Variants in UGT1A10 observed in about 807,000 individuals in gnomAD.
UGT1A10 encodes the protein UDP-glucuronosyltransferase 1A10.
A neutral mutation model predicts 45.8 loss-of-function variants in UGT1A10; 49 were observed. That is an observed-to-expected ratio of 1.07 (90% confidence interval 0.85 to 1.36). UGT1A10 has a LOEUF of 1.36. Ranked by LOEUF, UGT1A10 falls within the 40% of genes most tolerant of loss-of-function variation. UGT1A10 has a pLI of 0.00. For synonymous variants in UGT1A10, 284 were observed against 249.7 expected, an observed-to-expected ratio of 1.14 and a Z score of -1.29; for missense variants, 745 against 668.6, an observed-to-expected ratio of 1.11 and a Z score of -1.26.
chr2:233,650,669 A>C (rs763293080), intron 1 of UGT1A10, among the ~76,000 whole-genome samples: 8 of 152,174 alleles, frequency 5.3e-5, no homozygotes, highest in Non-Finnish European at 1.2e-4. Flanking sequence ...CTCATATCTC[A>C]GCATAAATTT....
intron 1 of UGT1A10, among the ~76,000 whole-genome samples, chr2:233,738,740 C>T (rs1235036519): frequency 1.3e-5 from 2 of 152,136 alleles, no homozygotes; most frequent in Non-Finnish European, 2.9e-5. Context: ...GCAGCCTGAC[C>T]ATGTGGTAGA....
intron 1 of UGT1A10, among the ~76,000 whole-genome samples, chr2:233,688,514 G>A (rs779302149): frequency 7.2e-5 from 11 of 152,032 alleles, no homozygotes; most frequent in Non-Finnish European, 1.0e-4. Flanking sequence ...GCAGTGAAAT[G>A]CGCCTAGAGT....
intron 1 of UGT1A10, chr2:233,719,588 G>C (rs771890679): frequency 1.9e-6 from 3 of 1,614,000 alleles, no homozygotes; most frequent in Non-Finnish European, 2.5e-6. Flanking sequence ...CCGTGTGGCT[G>C]TTCCGAGGGG....
intron 1 of UGT1A10, chr2:233,761,111 T>G: frequency 1.9e-6 from 3 of 1,614,220 alleles, no homozygotes; most frequent in Non-Finnish European, 2.5e-6. Context: ...ATGGTTTTTG[T>G]TGGTGGAATC....
chr2:233,675,826 T>C (rs1449220181), intron 1 of UGT1A10, among the ~76,000 whole-genome samples: 2 of 152,194 alleles, frequency 1.3e-5, no homozygotes, highest in Admixed American at 1.3e-4. Context: ...TGTCATTCCA[T>C]CACTGAACAA....
chr2:233,670,685 G>C (rs763574037), intron 1 of UGT1A10, among the ~76,000 whole-genome samples: 2 of 152,152 alleles, frequency 1.3e-5, no homozygotes, highest in African/African-American at 4.8e-5. Flanking sequence ...TATCTTGAAA[G>C]ACCATATCCC....
At chr2:233,724,373 G>A (rs2077243992) in intron 1 of UGT1A10, among the ~76,000 whole-genome samples, 1 of 147,660 alleles carries the variant, frequency 6.8e-6, no homozygotes, top group African/African-American at 2.5e-5. Flanking sequence ...CGGGGTGGCT[G>A]CCGGGCGGAG....
At chr2:233,750,552 C>T (rs1256274617) in intron 1 of UGT1A10, 4 of 151,954 alleles carry the variant, frequency 2.6e-5, no homozygotes, top group Non-Finnish European at 5.9e-5. Context: ...ACATCAGAGA[C>T]CTTTGCAGCA....
chr2:233,759,153 G>C (rs1244080154), intron 1 of UGT1A10, among the ~76,000 whole-genome samples: 1 of 152,246 alleles, frequency 6.6e-6, no homozygotes, highest in African/African-American at 2.4e-5. Flanking sequence ...GAGTTCCACA[G>C]AACACAAGGC....
intron 4 of UGT1A10, among the ~76,000 whole-genome samples, chr2:233,771,794 C>G (rs913626995): frequency 6.8e-6 from 1 of 146,546 alleles, no homozygotes; most frequent in Non-Finnish European, 1.5e-5. Flanking sequence ...CTCCCTCCCT[C>G]CCTCCCTCCC....
chr2:233,721,740 G>C lies in UGT1A10; in HGVS notation c.856-45294G>C, dbSNP rs151279989. 5 of 432,164 alleles carry C rather than the reference G, an allele frequency of 1.2e-5. No individual in the cohort carries two copies. The East Asian group carries it at 1.9e-4, about 16-fold the overall frequency. The allele number at this position is 432,164 out of a possible 1,614,324, so 26.8% of individuals were successfully genotyped here. ...TGTTTACTTGGATAAGCTTAATGAT[G>C]AGAGAATCTACATCTAAATTGTTAT... On this transcript the variant is annotated intron_variant, in intron 1 of 4. Coordinates refer to ENST00000344644, the MANE Select transcript of UGT1A10 (RefSeq NM_019075.4).
chr2:233,704,803 T>C (rs890648963), intron 1 of UGT1A10, among the ~76,000 whole-genome samples: 1 of 152,152 alleles, frequency 6.6e-6, no homozygotes, highest in African/African-American at 2.4e-5. Context: ...TAATTATATA[T>C]ATGTATATTG....
intron 1 of UGT1A10, among the ~76,000 whole-genome samples, chr2:233,639,796 CT>C (rs2073401931): frequency 6.6e-6 from 1 of 152,188 alleles, no homozygotes; most frequent in African/African-American, 2.4e-5. Context: ...AGGGGACAAA[CT>C]TTTAAACTAT....
At chr2:233,714,126 C>T (rs866787079) in intron 1 of UGT1A10, among the ~76,000 whole-genome samples, 2 of 152,016 alleles carry the variant, frequency 1.3e-5, no homozygotes, top group Admixed American at 6.5e-5. Context: ...GGAGACTGTT[C>T]GTTTGTAAAA....
intron 1 of UGT1A10, among the ~76,000 whole-genome samples, chr2:233,697,593 A>T (rs1575461386): frequency 2.2e-5 from 3 of 138,614 alleles, no homozygotes; most frequent in African/African-American, 2.7e-5. Flanking sequence ...GATCTTTATT[A>T]TTTCTTTCCT....
At chr2:233,661,953 AG>A (rs768559220) in intron 1 of UGT1A10, among the ~76,000 whole-genome samples, 2 of 152,044 alleles carry the variant, frequency 1.3e-5, no homozygotes, top group Admixed American at 1.3e-4. Flanking sequence ...AATTTACTGG[AG>A]GGATGAACTG....
intron 1 of UGT1A10, chr2:233,693,616 T>C (rs1361401309): frequency 1.9e-6 from 3 of 1,614,068 alleles, no homozygotes; most frequent in Middle Eastern, 1.6e-4. Context: ...ACCACATGAC[T>C]TTTTCCCAAC....
intron 1 of UGT1A10, among the ~76,000 whole-genome samples, chr2:233,678,833 C>T (rs1451854095): frequency 6.6e-6 from 1 of 152,114 alleles, no homozygotes; most frequent in Non-Finnish European, 1.5e-5. Context: ...TTTGAAATAC[C>T]TTATCCCCAA....
chr2:233,651,297 A>T (rs1454054886), intron 1 of UGT1A10, among the ~76,000 whole-genome samples: 2 of 152,186 alleles, frequency 1.3e-5, no homozygotes, highest in Non-Finnish European at 2.9e-5. Flanking sequence ...TCACAGGGTC[A>T]CCCAGAGGGC....
Sources: gnomAD v4.1 joint callset for allele counts (sites outside exome capture counted in the v4.1 genomes callset) on GRCh38, gnomAD v4.1.1 for gene constraint, MANE v1.5 for transcripts, NCBI Gene and HGNC (gene_info 2026-07-23, HGNC 2026-07-21) for gene names.